Variants in CNTNAP4 observed in about 807,000 individuals in gnomAD.
CNTNAP4 encodes contactin-associated protein-like 4.
CNTNAP4 carries 98 observed loss-of-function variants against 148.4 expected under a neutral mutation model. The ratio of observed to expected loss-of-function variants is 0.66; its 90% CI spans 0.56 to 0.78. The LOEUF (loss-of-function observed/expected upper bound fraction) is 0.78. Ranked by LOEUF, CNTNAP4 falls within the 30% of genes least tolerant of loss-of-function variation. The probability of loss-of-function intolerance (pLI) is 0.00; values close to 1 mark genes in which losing one functional copy is unlikely to be tolerated. For synonymous variants in CNTNAP4, 730 were observed against 565.1 expected, an observed-to-expected ratio of 1.29 and a Z score of -4.14; for missense variants, 1,935 against 1,565.6, an observed-to-expected ratio of 1.24 and a Z score of -3.98.
chr16:76,482,015 T>A (rs986891854), intron 12 of CNTNAP4, among the ~76,000 whole-genome samples: 6 of 152,030 alleles, frequency 3.9e-5, no homozygotes, highest in Admixed American at 2.6e-4. Context: ...TTTTATTTTT[T>A]TTTTTAATTT....
intron 2 of CNTNAP4, among the ~76,000 whole-genome samples, chr16:76,342,897 C>G (rs1383542784): frequency 6.6e-6 from 1 of 152,122 alleles, no homozygotes; most frequent in African/African-American, 2.4e-5. Context: ...AATAGATTCT[C>G]CATTTTGCTT....
chr16:76,328,423 A>T (rs1225121870), intron 2 of CNTNAP4, among the ~76,000 whole-genome samples: 1 of 152,210 alleles, frequency 6.6e-6, no homozygotes, highest in Non-Finnish European at 1.5e-5. Context: ...AAACGGTCAT[A>T]ACCAAAAGGA....
chr16:76,376,311 G>A (rs569121387), intron 3 of CNTNAP4, among the ~76,000 whole-genome samples: 2 of 152,246 alleles, frequency 1.3e-5, no homozygotes, highest in African/African-American at 2.4e-5. Context: ...TTGATGTGGA[G>A]TGGAAAAGAG....
At chr16:76,460,773 A>AT (rs1555564517) in intron 8 of CNTNAP4, among the ~76,000 whole-genome samples, 10 of 57,324 alleles carry the variant, frequency 1.7e-4, no homozygotes, top group African/African-American at 6.4e-4. Context: ...AAAAAAAAAA[A>AT]ATATATATAT....
At chr16:76,465,703 A>T (rs2081151942) in intron 9 of CNTNAP4, among the ~76,000 whole-genome samples, 1 of 152,328 alleles carries the variant, frequency 6.6e-6, no homozygotes, top group South Asian at 2.1e-4. Flanking sequence ...TATGGTAACC[A>T]TATCTTACAC....
In CNTNAP4 at chr16:76,384,006, G is replaced by GT. The variant is rs538898681; in HGVS notation, c.390+28501dup. Among the ~76,000 whole-genome samples, 69 of 151,816 alleles carry GT rather than the reference G, an allele frequency of 4.5e-4. No individual in the cohort carries two copies. The East Asian group carries it at 0.012, about 27-fold the overall frequency. Reference sequence around the variant, plus strand: ...AGTAAAGTTCTCAGTTTTTTGTTTTGTTTTTTGTTTTTGTTTGTTTGTTTT... The same window carrying GT: ...AGTAAAGTTCTCAGTTTTTTGTTTTGTTTTTTTGTTTTTGTTTGTTTGTTTT... On this transcript the variant is annotated intron_variant, in intron 3 of 23. Transcript: ENST00000611870.
At chr16:76,380,290 G>A (rs1180918496) in intron 3 of CNTNAP4, among the ~76,000 whole-genome samples, 2 of 152,284 alleles carry the variant, frequency 1.3e-5, no homozygotes, top group East Asian at 1.9e-4. Context: ...GTCAAGGGAA[G>A]TATACTGTTT....
intron 3 of CNTNAP4, among the ~76,000 whole-genome samples, chr16:76,369,942 A>G (rs1020076000): frequency 6.6e-6 from 1 of 152,148 alleles, no homozygotes; most frequent in Non-Finnish European, 1.5e-5. Context: ...ATCTGCCTAC[A>G]ATGGTGAGGG....
rs142539963 is a variant in CNTNAP4 at position 76,280,973 on chromosome 16, C to A, written c.85+3226C>A. Among the ~76,000 whole-genome samples, 10 of 152,242 alleles carry A rather than the reference C, an allele frequency of 6.6e-5. No homozygotes were observed. In the East Asian group the frequency reaches 1.7e-3, roughly 26 times the overall value. ...GGGAGGCTCTCTAGTTACTGGTATA[C>A]TGAGCCGTACTCTTGAGAATAATTA... On this transcript the variant is annotated intron_variant, in intron 1 of 23. Coordinates refer to ENST00000611870, the MANE Select transcript of CNTNAP4 (RefSeq NM_033401.5).
chr16:76,452,474 A>G (rs1568229169), intron 7 of CNTNAP4, 34 bp from the exon 8 acceptor site: 4 of 1,610,070 alleles, frequency 2.5e-6, no homozygotes, highest in Non-Finnish European at 3.4e-6. Flanking sequence ...TGTGAATAAC[A>G]TTCTGAAAGC....
At chr16:76,308,843 G>C (rs1960779195) in intron 1 of CNTNAP4, among the ~76,000 whole-genome samples, 1 of 152,090 alleles carries the variant, frequency 6.6e-6, no homozygotes, top group African/African-American at 2.4e-5. Flanking sequence ...TTTTATTTTA[G>C]AGATGGGGTC....
chr16:76,477,762 C>T (rs2081645655), intron 11 of CNTNAP4, among the ~76,000 whole-genome samples: 1 of 152,106 alleles, frequency 6.6e-6, no homozygotes, highest in Non-Finnish European at 1.5e-5. Flanking sequence ...TTACATCCTC[C>T]ATTATCCCCA....
At chr16:76,487,341 A>G (rs1352938678) in intron 12 of CNTNAP4, among the ~76,000 whole-genome samples, 1 of 152,168 alleles carries the variant, frequency 6.6e-6, no homozygotes, top group Non-Finnish European at 1.5e-5. Flanking sequence ...TGGAGATATG[A>G]TTGTTACCAG....
At chr16:76,370,261 T>A (rs1555535211) in intron 3 of CNTNAP4, among the ~76,000 whole-genome samples, 1 of 145,912 alleles carries the variant, frequency 6.9e-6, no homozygotes, top group Non-Finnish European at 1.5e-5. Flanking sequence ...ATGTGCAGCA[T>A]GTCATCTAAT....
intron 10 of CNTNAP4, among the ~76,000 whole-genome samples, chr16:76,470,481 TA>T (rs1246605632): frequency 3.0e-4 from 2 of 6,612 alleles, no homozygotes; most frequent in Non-Finnish European, 7.6e-4. Flanking sequence ...TCTCTACTAA[TA>T]ATATATATAT....
chr16:76,299,155 A>G (rs1959658496), intron 1 of CNTNAP4, among the ~76,000 whole-genome samples: 1 of 152,196 alleles, frequency 6.6e-6, no homozygotes, highest in African/African-American at 2.4e-5. Context: ...AATGGGATCT[A>G]ATTAAACTAA....
intron 3 of CNTNAP4, among the ~76,000 whole-genome samples, chr16:76,365,278 C>G (rs1392118148): frequency 6.6e-6 from 1 of 152,056 alleles, no homozygotes; most frequent in Admixed American, 6.6e-5. Context: ...GTTACTGTAG[C>G]CTTGTAGTAT....
intron 3 of CNTNAP4, among the ~76,000 whole-genome samples, chr16:76,383,659 A>T (rs150931635): frequency 1.0e-3 from 156 of 152,350 alleles, no homozygotes; most frequent in African/African-American, 3.6e-3. Flanking sequence ...GATGCTGATA[A>T]TACAGAACTA....
In CNTNAP4 at chr16:76,394,848, C is replaced by T. The variant is rs184946310; in HGVS notation, c.391-32604C>T. Among the ~76,000 whole-genome samples the T allele has an allele frequency of 1.3e-3, 198 of 152,114 alleles. 2 individuals are homozygous for T. The highest frequency in any genetic ancestry group is 4.6e-3 in the African/African-American group (190 of 41,492). ...TCCCATCTTCCTTTCTTGAAAAGTG[C>T]TCAAGTTGAAATCATCCTTTTATGT... On this transcript the variant is annotated intron_variant, in intron 3 of 23. Transcript: ENST00000611870.
Sources: allele counts gnomAD v4.1 joint callset (sites outside exome capture counted in the v4.1 genomes callset), GRCh38; gene constraint gnomAD v4.1.1; transcripts MANE v1.5; gene names NCBI Gene and HGNC (gene_info 2026-07-23, HGNC 2026-07-21).